The following CCDC148 variants were observed in gnomAD, a reference collection of about 807,000 sequenced individuals.
CCDC148 encodes the protein coiled-coil domain containing 148, also known as coiled-coil domain-containing protein 148.
In CCDC148, 89 loss-of-function variants were observed where a neutral mutation model predicts 85.7. That is an observed-to-expected ratio of 1.04 (90% CI 0.87 to 1.24). The LOEUF (loss-of-function observed/expected upper bound fraction) is 1.24. Among genes scored for constraint, CCDC148 ranks in the 50% most tolerant of loss-of-function variants. The pLI is 0.00. For synonymous variants in CCDC148, 230 were observed against 213.9 expected (o/e 1.08, Z -0.66); for missense variants, 692 against 671.7 (o/e 1.03, Z -0.33).
chr2:158,295,208 G>A (rs539714065), intron 9 of CCDC148, among the ~76,000 whole-genome samples: 6 of 152,020 alleles, frequency 3.9e-5, no homozygotes, highest in South Asian at 2.1e-4. Context: ...CCAATAACAG[G>A]AGCTGAAATT....
At chr2:158,288,106 G>A (rs1036955046) in intron 9 of CCDC148, among the ~76,000 whole-genome samples, 2 of 152,226 alleles carry the variant, frequency 1.3e-5, no homozygotes, top group Non-Finnish European at 2.9e-5. Context: ...TATGGCTGTA[G>A]TGGCTGGGAT....
intron 9 of CCDC148, among the ~76,000 whole-genome samples, chr2:158,265,773 A>G (rs1689428165): frequency 6.6e-6 from 1 of 152,152 alleles, no homozygotes; most frequent in Non-Finnish European, 1.5e-5. Context: ...GGTAGCCAAC[A>G]TATCTCCAAA....
chr2:158,309,036 C>T (rs1433169550), intron 9 of CCDC148, among the ~76,000 whole-genome samples: 2 of 152,202 alleles, frequency 1.3e-5, no homozygotes, highest in African/African-American at 2.4e-5. Context: ...AGCCTCTCTT[C>T]TCCTCCTCAT....
chr2:158,380,101 T>C (rs965237318), intron 1 of CCDC148, among the ~76,000 whole-genome samples: 2 of 152,144 alleles, frequency 1.3e-5, no homozygotes, highest in African/African-American at 4.8e-5. Flanking sequence ...TCAAAATTCT[T>C]AACATTTTTA....
chr2:158,256,930 G>A (rs1689036550), intron 9 of CCDC148, among the ~76,000 whole-genome samples: 1 of 151,796 alleles, frequency 6.6e-6, no homozygotes, highest in African/African-American at 2.4e-5. Context: ...GCAGGGACCA[G>A]ATCTGTCTTA....
chr2:158,213,471 C>T (rs1395974935), intron 11 of CCDC148, among the ~76,000 whole-genome samples: 1 of 152,086 alleles, frequency 6.6e-6, no homozygotes, highest in African/African-American at 2.4e-5. Context: ...CAATAATTGG[C>T]AAATACAGAG....
intron 2 of CCDC148, among the ~76,000 whole-genome samples, chr2:158,350,287 T>C (rs1462152930): frequency 6.6e-6 from 1 of 152,222 alleles, no homozygotes; most frequent in African/African-American, 2.4e-5. Flanking sequence ...AAATTCACTT[T>C]GATAAAATAC....
At chr2:158,400,049 A>G (rs991716778) in intron 1 of CCDC148, among the ~76,000 whole-genome samples, 4 of 152,082 alleles carry the variant, frequency 2.6e-5, no homozygotes, top group African/African-American at 9.7e-5. Context: ...GAAATAAAAG[A>G]GGACACAAAG....
intron 2 of CCDC148, among the ~76,000 whole-genome samples, chr2:158,357,839 C>T (rs2105266102): frequency 6.6e-6 from 1 of 152,228 alleles, no homozygotes; most frequent in Middle Eastern, 3.4e-3. Context: ...GTTGCTTCAC[C>T]TAACCTGTTT....
intron 10 of CCDC148, among the ~76,000 whole-genome samples, chr2:158,228,215 C>G (rs1471648783): frequency 1.3e-5 from 2 of 152,202 alleles, no homozygotes; most frequent in Non-Finnish European, 2.9e-5. Flanking sequence ...AAATGCTCAT[C>G]ATCACTGGGC....
At chr2:158,228,254 T>A (rs1327916182) in intron 10 of CCDC148, among the ~76,000 whole-genome samples, 1 of 152,092 alleles carries the variant, frequency 6.6e-6, no homozygotes, top group Non-Finnish European at 1.5e-5. Flanking sequence ...AAAACCACAA[T>A]GAGATACCAT....
At chr2:158,418,094 G>A (rs977395975) in intron 1 of CCDC148, among the ~76,000 whole-genome samples, 1 of 151,300 alleles carries the variant, frequency 6.6e-6, no homozygotes, top group Admixed American at 6.6e-5. Flanking sequence ...AAAATCCCTT[G>A]AGTGTTTTTT....
chr2:158,265,015 T>C (rs2105156379), intron 9 of CCDC148, among the ~76,000 whole-genome samples: 1 of 152,248 alleles, frequency 6.6e-6, no homozygotes, highest in Non-Finnish European at 1.5e-5. Flanking sequence ...GAATTACTTC[T>C]TCTGCATATG....
chr2:158,231,899 T>C (rs139166399), intron 10 of CCDC148, among the ~76,000 whole-genome samples: 2 of 152,308 alleles, frequency 1.3e-5, no homozygotes, highest in African/African-American at 4.8e-5. Context: ...CATTAATTCA[T>C]CCTACAATTT....
intron 7 of CCDC148, among the ~76,000 whole-genome samples, chr2:158,328,445 G>C (rs891524104): frequency 6.6e-6 from 1 of 152,098 alleles, no homozygotes; most frequent in African/African-American, 2.4e-5. Context: ...CCAAGTCTTT[G>C]CTATTGTCAA....
At chr2:158,408,751 T>G (rs76714700) in intron 1 of CCDC148, among the ~76,000 whole-genome samples, 26,841 of 151,972 alleles carry the variant, frequency 0.18, 3,094 homozygotes, top group Non-Finnish European at 0.25. Flanking sequence ...AATACATATA[T>G]TTTTTGAATA....
At chr2:158,251,843 G>A (rs1688805474) in intron 9 of CCDC148, among the ~76,000 whole-genome samples, 1 of 151,734 alleles carries the variant, frequency 6.6e-6, no homozygotes, top group Non-Finnish European at 1.5e-5. Context: ...AAAGAGATTT[G>A]GAAGGGGACT....
At chr2:158,401,251 C>T (rs566585042) in intron 1 of CCDC148, among the ~76,000 whole-genome samples, 18 of 152,204 alleles carry the variant, frequency 1.2e-4, no homozygotes, top group African/African-American at 3.1e-4. Context: ...CACGTGCACA[C>T]GTATGTTATT....
At chr2:158,184,321 A>T (rs2105266555) in intron 11 of CCDC148, among the ~76,000 whole-genome samples, 1 of 152,222 alleles carries the variant, frequency 6.6e-6, no homozygotes, top group East Asian at 1.9e-4. Context: ...AAGCTATTGG[A>T]ACCCCATCTT....
Sources: allele counts gnomAD v4.1 joint callset (sites outside exome capture counted in the v4.1 genomes callset), GRCh38; gene constraint gnomAD v4.1.1; transcripts MANE v1.5; gene names NCBI Gene and HGNC (gene_info 2026-07-23, HGNC 2026-07-21).